The following LBP variants were observed in gnomAD, a reference collection of about 807,000 sequenced individuals.
LBP encodes the protein lipopolysaccharide-binding protein.
In LBP, 53 loss-of-function variants were observed where a neutral mutation model predicts 56.6. The ratio of observed to expected loss-of-function variants is 0.94; its 90% CI spans 0.75 to 1.18. The LOEUF (loss-of-function observed/expected upper bound fraction) is 1.18, where lower values mean the gene tolerates loss of function less well. LBP is among the 50% of genes most tolerant of loss of function. The pLI is 0.00. For synonymous variants in LBP, 227 were observed against 247.5 expected (o/e 0.92, Z 0.78); for missense variants, 601 against 598.3 (o/e 1.00, Z -0.05).
chr20:38,376,496 A>T, intron 14 of LBP, 129 bp from the exon 15 acceptor site: 1 of 825,900 alleles, frequency 1.2e-6, no homozygotes. Flanking sequence ...CACACTCGCA[A>T]TTTATGCACT....
chr20:38,360,524 G>T lies in LBP; in HGVS notation c.589-180G>T, dbSNP rs35477787. On this transcript the variant is annotated intron_variant, in intron 5 of 14. Coordinates refer to ENST00000217407, the MANE Select transcript of LBP (RefSeq NM_004139.5). ...TGGACCCTAGTGGAGTCCACATGGG[G>T]GCCCACATAGTTTTATTGTTTGTAT... Among the ~76,000 whole-genome samples the T allele has an allele frequency of 3.8e-3, 576 of 152,194 alleles. 2 individuals are homozygous for T. Among genetic ancestry groups the T allele is most frequent in the African/African-American group, 0.013 (556 of 41,526 alleles).
chr20:38,349,778 C>A, intron 2 of LBP, 116 bp downstream of exon 2: 1 of 719,298 alleles, frequency 1.4e-6, no homozygotes, highest in Non-Finnish European at 2.3e-6. Context: ...CTCTCCGGGG[C>A]AGACAGTGGG....
intron 14 of LBP, among the ~76,000 whole-genome samples, chr20:38,375,075 G>T (rs1320727203): frequency 6.6e-6 from 1 of 151,262 alleles, no homozygotes; most frequent in African/African-American, 2.4e-5. Context: ...GGGATTACAG[G>T]CATGAGACAC....
rs1312359325 is a variant in LBP at position 38,376,833 on chromosome 20, G to A, written c.*164G>A. The A allele has an allele frequency of 5.4e-6, 4 of 743,844 alleles. No individual in the cohort carries two copies. The highest frequency in any genetic ancestry group is 1.4e-5 in the South Asian group (1 of 70,640). 46.1% of individuals were successfully genotyped at this position (743,844 alleles called of 1,614,324 possible). A position where few individuals can be genotyped will look rare whatever the true frequency, so the allele number is the denominator to read the frequency against. On this transcript the variant is annotated 3_prime_UTR_variant, in exon 15 of 15. Coordinates refer to ENST00000217407, the MANE Select transcript of LBP (RefSeq NM_004139.5). ...CCTCCACCCTCCTCCTCTTCACCAGGTGCATGCATGCCCTCTCTGAGTCTG... is the reference window on the plus strand; with the variant it reads ...CCTCCACCCTCCTCCTCTTCACCAGATGCATGCATGCCCTCTCTGAGTCTG...
intron 2 of LBP, 77 bp downstream of exon 2, chr20:38,349,739 A>C (rs1476055526): frequency 5.5e-6 from 6 of 1,087,438 alleles, no homozygotes; most frequent in Non-Finnish European, 6.7e-6. Flanking sequence ...TGAGGAAGAG[A>C]GAGCCTCAGG....
intron 8 of LBP, among the ~76,000 whole-genome samples, chr20:38,365,550 A>G (rs1173912405): frequency 1.3e-5 from 2 of 151,676 alleles, no homozygotes; most frequent in African/African-American, 4.8e-5. Context: ...TACAAAAATT[A>G]GCTGGGCATG....
chr20:38,376,353 G>C (rs2083958266), intron 14 of LBP, among the ~76,000 whole-genome samples: 1 of 152,130 alleles, frequency 6.6e-6, no homozygotes, highest in Non-Finnish European at 1.5e-5. Flanking sequence ...GCCAAAGAGA[G>C]AAAATTTAGG....
chr20:38,357,726 T>C (rs1017002430), intron 5 of LBP, among the ~76,000 whole-genome samples: 2 of 152,200 alleles, frequency 1.3e-5, no homozygotes, highest in Non-Finnish European at 1.5e-5. Flanking sequence ...TCGCGTATAC[T>C]TGTGGTTATT....
At chr20:38,346,694 C>G in intron 1 of LBP, 54 bp downstream of exon 1, 1 of 1,607,146 alleles carries the variant, frequency 6.2e-7, no homozygotes, top group Non-Finnish European at 8.5e-7. Flanking sequence ...CCAGGCTGCT[C>G]TGGGTACAGT....
rs746340530 is a variant in LBP, at chr20:38,369,072, T to C, written c.1059T>C (p.Pro353=). ...CTGCTCCGCTCCTGAACTTCAGCCCTGGGAATCTGTCTGTGGACCCCTATA... is the reference window on the plus strand; with the variant it reads ...CTGCTCCGCTCCTGAACTTCAGCCCCGGGAATCTGTCTGTGGACCCCTATA... ...VPSAPLLNFS[P]GNLSVDPYME... The change falls in exon 10 of 15, where the codon CCT becomes CCC. Residue 353 remains proline, a synonymous_variant. Coordinates refer to ENST00000217407, the MANE Select transcript of LBP (RefSeq NM_004139.5). The C allele has an allele frequency of 1.4e-5, 23 of 1,614,064 alleles. No individual in the cohort carries two copies. Among genetic ancestry groups the C allele is most frequent in the South Asian group, 7.7e-5 (7 of 91,086 alleles).
chr20:38,371,278 A>C lies in LBP; in HGVS notation c.1218-2A>C, dbSNP rs745466215. On this transcript the variant is annotated splice_acceptor_variant, in intron 11 of 14. Coordinates refer to ENST00000217407, the MANE Select transcript of LBP (RefSeq NM_004139.5). LOFTEE classifies it high-confidence loss of function. ...CTTTTAATCTTCTCTGATTCATTAC[A>C]GGGTAAAAGTGGAACTGAAAGAATC... The C allele has an allele frequency of 8.1e-6, 13 of 1,610,542 alleles. No individual in the cohort carries two copies. In the Admixed American group the frequency reaches 2.2e-4, roughly 27 times the overall value.
intron 12 of LBP, 62 bp from the exon 13 acceptor site, chr20:38,373,010 A>T (rs1206322291): frequency 5.6e-6 from 8 of 1,422,092 alleles, no homozygotes; most frequent in African/African-American, 4.2e-5. Context: ...CTATGTTGGC[A>T]CACACAGAAC....
rs200270655 is a variant in LBP, at chr20:38,354,367, G to A, written c.452G>A (p.Arg151Lys). The A allele has an allele frequency of 3.6e-4, 574 of 1,613,684 alleles. 1 individual carries two copies. Among genetic ancestry groups the A allele is most frequent in the Non-Finnish European group, 4.1e-4 (487 of 1,179,962 alleles). Reference sequence around the variant, plus strand: ...CTGTTGGGCAGCGAGTCCTCCGGGAGGCCCACAGTTACTGCCTCCAGCTGC... The same window carrying A: ...CTGTTGGGCAGCGAGTCCTCCGGGAAGCCCACAGTTACTGCCTCCAGCTGC... Reference protein sequence around the residue: ...NLLLGSESSGRPTVTASSCSS... With the variant: ...NLLLGSESSGKPTVTASSCSS... Residue 151 changes from arginine to lysine, a missense_variant, in exon 4 of 15, where the codon AGG becomes AAG. Arg to Lys is a conservative substitution (Grantham distance 26, BLOSUM62 2). Transcript: ENST00000217407.
intron 5 of LBP, among the ~76,000 whole-genome samples, chr20:38,360,273 AAC>A (rs1339224831): frequency 0.017 from 2,527 of 151,056 alleles, 81 homozygotes; most frequent in African/African-American, 0.057. Flanking sequence ...AAAAAAAAAA[AAC>A]AAAAAAACTA....
chr20:38,374,144 C>T (rs1354818633), intron 14 of LBP, 131 bp downstream of exon 14: 8 of 873,730 alleles, frequency 9.2e-6, no homozygotes, highest in African/African-American at 6.7e-5. Context: ...AGGGGCAGGA[C>T]GGGTGCTCCT....
chr20:38,371,246 C>T (rs1312268960), intron 11 of LBP, 34 bp from the exon 12 acceptor site: 1 of 1,596,286 alleles, frequency 6.3e-7, no homozygotes, highest in Admixed American at 1.7e-5. Context: ...TTGCATAAAG[C>T]CCACACCTTT....
intron 6 of LBP, among the ~76,000 whole-genome samples, chr20:38,361,431 G>T (rs556990309): frequency 6.6e-6 from 1 of 151,922 alleles, no homozygotes; most frequent in East Asian, 1.9e-4. Context: ...TTGAGATGGG[G>T]TCTCACTCTG....
chr20:38,354,314 C>T lies in LBP; in HGVS notation c.399C>T (p.Val133=), dbSNP rs1270365569. 1 of 1,613,672 alleles carries T rather than the reference C, an allele frequency of 6.2e-7. No individual in the cohort carries two copies. The highest frequency in any genetic ancestry group is 1.3e-5 in the African/African-American group (1 of 74,914). ...TACAGGGCTCCTTTGATGTCAGTGT[C>T]AAGGGCATCAGCATTTCGGTCAACC... ...FKLQGSFDVS[V]KGISISVNLL... Residue 133 remains valine (V), a synonymous_variant, in exon 4 of 15, where the codon GTC becomes GTT. Coordinates refer to ENST00000217407, the MANE Select transcript of LBP (RefSeq NM_004139.5).
intron 8 of LBP, among the ~76,000 whole-genome samples, chr20:38,365,479 C>T (rs1375891841): frequency 6.6e-6 from 1 of 150,932 alleles, no homozygotes; most frequent in Non-Finnish European, 1.5e-5. Flanking sequence ...GGCGGATCAC[C>T]TGAGGTCACG....
Sources: allele counts gnomAD v4.1 joint callset (sites outside exome capture counted in the v4.1 genomes callset), GRCh38; gene constraint gnomAD v4.1.1; transcripts MANE v1.5; gene names NCBI Gene and HGNC (gene_info 2026-07-23, HGNC 2026-07-21).